Variants in PTPRN2 observed in about 807,000 individuals in gnomAD.
The protein encoded by PTPRN2 is protein tyrosine phosphatase receptor type N2, also known as receptor-type tyrosine-protein phosphatase N2.
A neutral mutation model predicts 118.8 loss-of-function variants in PTPRN2; 74 were observed. The ratio of observed to expected loss-of-function variants is 0.62; its 90% CI spans 0.52 to 0.76. The LOEUF is 0.76. PTPRN2 is among the 30% of genes least tolerant of loss of function. PTPRN2 has a pLI of 0.00. For synonymous variants in PTPRN2, 641 were observed against 608.0 expected (o/e 1.05, Z -0.80); for missense variants, 1,481 against 1,394.4 (o/e 1.06, Z -0.99).
chr7:157,584,742 C>T (rs558222321), intron 17 of PTPRN2, among the ~76,000 whole-genome samples: 1 of 152,312 alleles, frequency 6.6e-6, no homozygotes, highest in South Asian at 2.1e-4. Flanking sequence ...GGAAAACACT[C>T]GTATTTCACT....
At chr7:158,403,190 CAG>C (rs1344036040) in intron 2 of PTPRN2, among the ~76,000 whole-genome samples, 2 of 152,182 alleles carry the variant, frequency 1.3e-5, no homozygotes, top group African/African-American at 4.8e-5. Flanking sequence ...GGCACGTGGC[CAG>C]AGAGAAACCT....
intron 12 of PTPRN2, among the ~76,000 whole-genome samples, chr7:157,799,820 C>T (rs953810479): frequency 7.4e-6 from 1 of 134,782 alleles, no homozygotes; most frequent in East Asian, 2.0e-4. Flanking sequence ...TCAGAGGCAC[C>T]ACAGCCGGCC....
intron 2 of PTPRN2, among the ~76,000 whole-genome samples, chr7:158,361,488 C>G (rs1451487629): frequency 6.6e-6 from 1 of 152,224 alleles, no homozygotes; most frequent in African/African-American, 2.4e-5. Flanking sequence ...TTTGCTCTTT[C>G]TTGCTGCTCA....
At chr7:158,353,069 G>A (rs1473726962) in intron 2 of PTPRN2, among the ~76,000 whole-genome samples, 1 of 152,218 alleles carries the variant, frequency 6.6e-6, no homozygotes, top group Non-Finnish European at 1.5e-5. Context: ...ATCAGAAGTT[G>A]AAGAGAACAG....
At chr7:157,790,609 GT>G (rs1304879536) in intron 12 of PTPRN2, among the ~76,000 whole-genome samples, 16 of 152,276 alleles carry the variant, frequency 1.1e-4, no homozygotes, top group African/African-American at 3.8e-4. Flanking sequence ...GTGGGAAATT[GT>G]GTAAGAAAAT....
chr7:158,146,501 C>A (rs1359937899), intron 6 of PTPRN2, among the ~76,000 whole-genome samples: 2 of 152,028 alleles, frequency 1.3e-5, no homozygotes, highest in Non-Finnish European at 2.9e-5. Context: ...GCATGCGGAT[C>A]ACGAGGTCAG....
At position 158,178,397 on chromosome 7, in the gene PTPRN2, C is replaced by T. The variant is rs542189000; in HGVS notation, c.550-11106G>A. ...TCCAAAGTCCATTAGATCACTCTGT[C>T]TGCCTTTGCATACCCATAGCTTGGC... On this transcript the variant is annotated intron_variant, in intron 5 of 22. Coordinates refer to ENST00000389418, the MANE Select transcript of PTPRN2 (RefSeq NM_002847.5). Among the ~76,000 whole-genome samples, 48 of 152,126 alleles carry T rather than the reference C, an allele frequency of 3.2e-4. 1 individual carries two copies. The highest frequency in any genetic ancestry group is 2.6e-3 in the Admixed American group (40 of 15,272).
In PTPRN2 at chr7:158,096,808, C is replaced by T. The variant is rs3829727; in HGVS notation, c.1643+14021G>A. Among the ~76,000 whole-genome samples the T allele has an allele frequency of 1.4e-3, 214 of 152,340 alleles. 1 individual carries two copies. In the East Asian group the frequency reaches 0.032, roughly 23 times the overall value. ...AGGTAGCAACATTGCCCGTGAGGGC[C>T]GGAGTCTGCAGGTGGTGGATACACC... On this transcript the variant is annotated intron_variant, in intron 10 of 22. Transcript: ENST00000389418.
At position 158,441,589 on chromosome 7, in the gene PTPRN2, G is replaced by GTGGTGGTGA. The variant is rs1563298218; in HGVS notation, c.163+48145_163+48146insTCACCACCA. On this transcript the variant is annotated intron_variant, in intron 2 of 22. Transcript: ENST00000389418. ...AGTGATGGTGATGGCAGTGGTGGTG[G>GTGGTGGTGA]TGGTGATAGTGATGGTGATGGCAGT... Among the ~76,000 whole-genome samples the GTGGTGGTGA allele has an allele frequency of 6.3e-5, 9 of 142,410 alleles. No homozygotes were observed. In the East Asian group the frequency reaches 1.9e-3, roughly 30 times the overall value. 93.4% of individuals were successfully genotyped at this position (142,410 alleles called of 152,430 possible). A position where few individuals can be genotyped will look rare whatever the true frequency, so the allele number is the denominator to read the frequency against.
chr7:157,651,698 G>A (rs764728715), intron 14 of PTPRN2, among the ~76,000 whole-genome samples: 1 of 152,202 alleles, frequency 6.6e-6, no homozygotes, highest in African/African-American at 2.4e-5. Flanking sequence ...CTTACAAAAG[G>A]ATGTGACAGG....
intron 13 of PTPRN2, among the ~76,000 whole-genome samples, chr7:157,678,430 T>G (rs539796625): frequency 1.5e-4 from 23 of 152,210 alleles, no homozygotes; most frequent in African/African-American, 5.5e-4. Flanking sequence ...GAAAGAACGG[T>G]CTCTTAAAGC....
intron 17 of PTPRN2, among the ~76,000 whole-genome samples, chr7:157,589,577 G>A (rs901219448): frequency 3.9e-5 from 6 of 152,262 alleles, no homozygotes; most frequent in African/African-American, 1.4e-4. Context: ...CTCCCTAAGC[G>A]GCTTGTTGAC....
chr7:157,846,554 A>C (rs1808817040), intron 12 of PTPRN2, among the ~76,000 whole-genome samples: 1 of 152,078 alleles, frequency 6.6e-6, no homozygotes, highest in Non-Finnish European at 1.5e-5. Flanking sequence ...CACTGCCCTG[A>C]GTGCGCTGCC....
In PTPRN2 at chr7:157,609,640, G is replaced by C. The variant is rs1802212932; in HGVS notation, c.2345-5565C>G. The stretch of plus-strand genomic sequence containing the variant: ...TCCCAGCCCCACTGCTTGCCAGCGG[G>C]CGATCCTGGGTAAACTGTTCAGTGT... On this transcript the variant is annotated intron_variant, in intron 15 of 22. Coordinates refer to ENST00000389418, the MANE Select transcript of PTPRN2 (RefSeq NM_002847.5). The surrounding 1 kb of genome is among the most constrained non-coding windows in gnomAD (Gnocchi z 4.9). Among the ~76,000 whole-genome samples the C allele has an allele frequency of 6.6e-6, 1 of 152,164 alleles. No individual in the cohort carries two copies. The highest frequency in any genetic ancestry group is 2.1e-4 in the South Asian group (1 of 4,828).
rs28665668 is a variant in PTPRN2, at chr7:158,378,222, T to C, written c.164-61290A>G. Among the ~76,000 whole-genome samples the C allele has an allele frequency of 9.6e-3, 1,460 of 152,292 alleles. 15 individuals carry two copies. Among genetic ancestry groups the C allele is most frequent in the African/African-American group, 0.033 (1,388 of 41,532 alleles). On this transcript the variant is annotated intron_variant, in intron 2 of 22. Transcript: ENST00000389418. ...TTGGCCTCAGGACAACCCTTGACCT[T>C]GACAATGGCTTTTTTACATAATGGT...
chr7:157,680,758 CTCATT>C (rs1344615371), intron 13 of PTPRN2, among the ~76,000 whole-genome samples: 1 of 152,212 alleles, frequency 6.6e-6, no homozygotes, highest in African/African-American at 2.4e-5. Context: ...AGTCTTTACA[CTCATT>C]TCATTTCCAA....
chr7:158,228,823 A>G (rs141677801), intron 3 of PTPRN2, among the ~76,000 whole-genome samples: 58 of 152,102 alleles, frequency 3.8e-4, no homozygotes, highest in Middle Eastern at 3.4e-3. Context: ...CTGGCTGGAG[A>G]CCTGTTCCTG....
At chr7:157,966,716 ATCT>A (rs1027547654) in intron 11 of PTPRN2, among the ~76,000 whole-genome samples, 1 of 151,862 alleles carries the variant, frequency 6.6e-6, no homozygotes, top group African/African-American at 2.4e-5. Flanking sequence ...CACCACCATC[ATCT>A]TCATCACCAC....
chr7:158,354,880 A>G (rs1808268535), intron 2 of PTPRN2, among the ~76,000 whole-genome samples: 1 of 152,238 alleles, frequency 6.6e-6, no homozygotes, highest in African/African-American at 2.4e-5. Context: ...TTTAATAATT[A>G]AACTGTCAAA....
Sources: allele counts gnomAD v4.1 joint callset (sites outside exome capture counted in the v4.1 genomes callset), GRCh38; gene constraint gnomAD v4.1.1; non-coding constraint Gnocchi (gnomAD v3.1); transcripts MANE v1.5; gene names NCBI Gene and HGNC (gene_info 2026-07-23, HGNC 2026-07-21).